Variants in CMPK1 observed in about 807,000 individuals in gnomAD.
CMPK1 encodes UMP-CMP kinase.
Under a neutral mutation model 25.7 loss-of-function variants are expected in CMPK1, and 10 were observed. The ratio of observed to expected loss-of-function variants is 0.39; its 90% CI spans 0.24 to 0.66. CMPK1 has a LOEUF of 0.66. Among genes scored for constraint, CMPK1 ranks in the 30% least tolerant of loss-of-function variants. The pLI, the probability that CMPK1 is intolerant of heterozygous loss-of-function variation, is 0.48. For synonymous variants in CMPK1, 106 were observed against 101.5 expected, an observed-to-expected ratio of 1.04 and a Z score of -0.27; for missense variants, 199 against 280.5, an observed-to-expected ratio of 0.71 and a Z score of 2.08.
At chr1:47,335,688 C>A (rs944360495) in intron 1 of CMPK1, among the ~76,000 whole-genome samples, 5 of 149,464 alleles carry the variant, frequency 3.3e-5, no homozygotes, top group South Asian at 2.1e-4. Flanking sequence ...GGAACTAGTC[C>A]AACTAAAAAA....
intron 1 of CMPK1, among the ~76,000 whole-genome samples, chr1:47,361,871 C>CTT (rs34928345): frequency 0.016 from 2,032 of 125,884 alleles, 78 homozygotes; most frequent in African/African-American, 0.046. Context: ...AAATACTACT[C>CTT]TTTTTTTTTT....
intron 1 of CMPK1, among the ~76,000 whole-genome samples, chr1:47,334,376 G>T (rs1246907266): frequency 3.3e-5 from 5 of 152,182 alleles, no homozygotes; most frequent in African/African-American, 1.2e-4. Context: ...ACATTTTGGG[G>T]ACCAGATTCG....
chr1:47,371,833 C>T (rs997790540), intron 2 of CMPK1, among the ~76,000 whole-genome samples: 5 of 152,124 alleles, frequency 3.3e-5, no homozygotes, highest in African/African-American at 7.2e-5. Context: ...GAATGTCTCA[C>T]AAGTGTCTCA....
intron 1 of CMPK1, among the ~76,000 whole-genome samples, chr1:47,335,541 G>C (rs1557798597): frequency 6.6e-6 from 1 of 151,178 alleles, no homozygotes; most frequent in Admixed American, 6.6e-5. Flanking sequence ...GAAGGCTGAG[G>C]CAGGAGAATC....
At position 47,337,269 on chromosome 1, in the gene CMPK1, C is replaced by T. The variant is rs558253650; in HGVS notation, c.171+3153C>T. Among the ~76,000 whole-genome samples, 63 of 151,770 alleles carry T rather than the reference C, an allele frequency of 4.2e-4. 1 individual carries two copies. The highest frequency in any genetic ancestry group is 6.8e-4 in the Non-Finnish European group (46 of 67,982). On this transcript the variant is annotated intron_variant, in intron 1 of 5. Coordinates refer to ENST00000371873, the MANE Select transcript of CMPK1 (RefSeq NM_016308.3). Reference sequence around the variant, plus strand: ...CTGCAGTGCAGCCTGGGTGACATAGCGAGATTCCATCTCAAAAAAATAAAA... The same window carrying T: ...CTGCAGTGCAGCCTGGGTGACATAGTGAGATTCCATCTCAAAAAAATAAAA...
intron 1 of CMPK1, among the ~76,000 whole-genome samples, chr1:47,365,782 A>G (rs1646635838): frequency 6.6e-6 from 1 of 152,158 alleles, no homozygotes; most frequent in Non-Finnish European, 1.5e-5. Context: ...TCCAAATCTT[A>G]GTGCATGATC....
chr1:47,339,701 C>CTTT (rs71053104), intron 1 of CMPK1, among the ~76,000 whole-genome samples: 32 of 109,926 alleles, frequency 2.9e-4, no homozygotes, highest in Admixed American at 6.6e-4. Context: ...TCTTCCTTTC[C>CTTT]TTTTTTTTTT....
chr1:47,358,880 A>G lies in CMPK1; in HGVS notation c.172-9589A>G, dbSNP rs187438743. 2.6e-4 allele frequency: 256 copies of G among 985,186 alleles called. 2 individuals are homozygous for G. In the African/African-American group the frequency reaches 4.1e-3, roughly 16 times the overall value. The allele number at this position is 985,186 out of a possible 1,614,324, so 61.0% of individuals were successfully genotyped here. On this transcript the variant is annotated intron_variant, in intron 1 of 5. Transcript: ENST00000371873. ...TTCTAGTTCCTAAAGAGCACCTGAG[A>G]TACTAAAATGTGATTATTTCATGAA...
At chr1:47,352,858 G>A (rs1646532557) in intron 1 of CMPK1, among the ~76,000 whole-genome samples, 1 of 152,256 alleles carries the variant, frequency 6.6e-6, no homozygotes, top group East Asian at 1.9e-4. Flanking sequence ...GTTTGATTGC[G>A]ATATTGTTTA....
intron 1 of CMPK1, among the ~76,000 whole-genome samples, chr1:47,357,788 T>A (rs1019991692): frequency 6.6e-6 from 1 of 151,998 alleles, no homozygotes; most frequent in African/African-American, 2.4e-5. Flanking sequence ...CCGGCCAATC[T>A]GTTGTTTTTT....
intron 1 of CMPK1, among the ~76,000 whole-genome samples, chr1:47,359,207 C>T (rs1646584163): frequency 6.6e-6 from 1 of 151,486 alleles, no homozygotes; most frequent in Non-Finnish European, 1.5e-5. Flanking sequence ...GTCCCAGCTA[C>T]TCGGGAGGCT....
chr1:47,346,223 T>A (rs190600300), intron 1 of CMPK1, among the ~76,000 whole-genome samples: 2 of 152,000 alleles, frequency 1.3e-5, no homozygotes, highest in Middle Eastern at 3.4e-3. Context: ...CTAATTTTTG[T>A]TTTGTTAGTA....
At chr1:47,351,820 C>T (rs2820994) in intron 1 of CMPK1, among the ~76,000 whole-genome samples, 64,247 of 150,042 alleles carry the variant, frequency 0.43, 15,727 homozygotes, top group South Asian at 0.55. Context: ...GTTTTTTTTT[C>T]TCCTCAGAAT....
intron 1 of CMPK1, among the ~76,000 whole-genome samples, chr1:47,339,252 C>T (rs1304831569): frequency 1.1e-4 from 16 of 152,044 alleles, no homozygotes; most frequent in Admixed American, 1.0e-3. Context: ...TCAGGTGATC[C>T]ACCTGCCTCA....
At chr1:47,342,539 A>G (rs1361982393) in intron 1 of CMPK1, among the ~76,000 whole-genome samples, 1 of 151,722 alleles carries the variant, frequency 6.6e-6, no homozygotes, top group East Asian at 1.9e-4. Flanking sequence ...ACATTATTAT[A>G]TTTCTATCAA....
At chr1:47,350,830 C>G (rs1243983778) in intron 1 of CMPK1, among the ~76,000 whole-genome samples, 1 of 151,750 alleles carries the variant, frequency 6.6e-6, no homozygotes, top group African/African-American at 2.4e-5. Flanking sequence ...TTGCCTGAAC[C>G]CGGGAGGGCA....
chr1:47,357,235 G>C (rs1325853858), intron 1 of CMPK1, among the ~76,000 whole-genome samples: 1 of 152,112 alleles, frequency 6.6e-6, no homozygotes. Flanking sequence ...ACAAAGTGCT[G>C]AGATTACAGG....
intron 1 of CMPK1, among the ~76,000 whole-genome samples, chr1:47,364,200 G>C (rs1331264082): frequency 1.3e-5 from 2 of 152,158 alleles, no homozygotes; most frequent in Non-Finnish European, 2.9e-5. Context: ...CTAAGGTTTA[G>C]TAGTCTTATG....
intron 1 of CMPK1, among the ~76,000 whole-genome samples, chr1:47,355,840 G>A (rs1199843625): frequency 6.7e-6 from 1 of 149,252 alleles, no homozygotes; most frequent in South Asian, 2.1e-4. Context: ...TTTGACCTCG[G>A]GTGATTAGCC....
Sources: allele counts gnomAD v4.1 joint callset (sites outside exome capture counted in the v4.1 genomes callset), GRCh38; gene constraint gnomAD v4.1.1; transcripts MANE v1.5; gene names NCBI Gene and HGNC (gene_info 2026-07-23, HGNC 2026-07-21).